CELF2: variants seen among roughly 807,000 people sequenced by gnomAD.
CELF2 encodes CUGBP Elav-like family member 2, also known as CUG triplet repeat RNA-binding protein 2.
Under a neutral mutation model 62.6 loss-of-function variants are expected in CELF2, and 8 were observed. The ratio of observed to expected loss-of-function variants is 0.13; its 90% CI spans 0.07 to 0.23. The LOEUF (loss-of-function observed/expected upper bound fraction) is 0.23. CELF2 is among the 10% of genes least tolerant of loss of function. CELF2 has a pLI of 1.00. For missense variants in CELF2, 333 were observed against 671.0 expected, an observed-to-expected ratio of 0.50 and a Z score of 5.56; for synonymous variants, 258 against 250.0, an observed-to-expected ratio of 1.03 and a Z score of -0.30.
the CELF2 span, among the ~76,000 whole-genome samples, chr10:10,527,805 C>G: frequency 2.0e-5 from 3 of 152,248 alleles, no homozygotes; most frequent in Non-Finnish European, 2.9e-5. Context: ...AGCACATACA[C>G]AGGGCCAAGC....
At chr10:10,472,750 A>T in the CELF2 span, among the ~76,000 whole-genome samples, 6 of 151,910 alleles carry the variant, frequency 3.9e-5, no homozygotes, top group African/African-American at 1.4e-4. Flanking sequence ...CATTAATGCA[A>T]TGTTTGTCTT....
In CELF2 at chr10:10,834,585, TTC is replaced by T. The variant is rs543662341; in HGVS notation, c.53+35769_53+35770del. 1.1e-4 allele frequency among the ~76,000 whole-genome samples: 16 copies of T among 152,260 alleles called. No individual in the cohort carries two copies. The East Asian group carries it at 3.1e-3, about 29-fold the overall frequency. ...GTAGTTATTGCCATTTTACAGAAGATTCCAAGATTGCAGAGGTGAATGACCAT... is the reference window on the plus strand; with the variant it reads ...GTAGTTATTGCCATTTTACAGAAGATCAAGATTGCAGAGGTGAATGACCAT... On this transcript the variant is annotated intron_variant, in intron 1 of 13. Coordinates refer to the CELF2 transcript ENST00000636488.
At position 11,329,340 on chromosome 10, in the gene CELF2, A is replaced by AT. The variant is rs959017798; in HGVS notation, c.*294dup. 5.0e-5 allele frequency: 10 copies of AT among 200,210 alleles called. No individual in the cohort carries two copies. The highest frequency in any genetic ancestry group is 1.4e-4 in the African/African-American group (6 of 42,798). The allele number at this position is 200,210 out of a possible 1,614,324, so 12.4% of individuals were successfully genotyped here. On this transcript the variant is annotated 3_prime_UTR_variant, in exon 13 of 13. Transcript: ENST00000633077. This position sits in a 1 kb window ranked among gnomAD's most constrained non-coding sequence, Gnocchi z 5.5. The stretch of plus-strand genomic sequence containing the variant: ...GAATCTCCTTTTACCTTTTTTTTTA[A>AT]TTTTTTTCATTTTTGCTTTTTTTTA...
At chr10:10,966,274 G>C (rs1314243135) in intron 2 of CELF2, among the ~76,000 whole-genome samples, 1 of 152,224 alleles carries the variant, frequency 6.6e-6, no homozygotes, top group Non-Finnish European at 1.5e-5. Context: ...TTGTTAGCTA[G>C]TGACTGGGGA....
intron 2 of CELF2, among the ~76,000 whole-genome samples, chr10:11,167,610 G>A (rs1265299120): frequency 6.6e-6 from 1 of 152,124 alleles, no homozygotes. Flanking sequence ...TTGCCCAGAT[G>A]TTCCTATGAG....
chr10:10,879,694 G>T (rs2061330689), intron 1 of CELF2, among the ~76,000 whole-genome samples: 1 of 152,172 alleles, frequency 6.6e-6, no homozygotes, highest in South Asian at 2.1e-4. Flanking sequence ...CTGTTACCTT[G>T]TATTATTGTG....
At position 11,321,089 on chromosome 10, in the gene CELF2, C is replaced by A; in HGVS notation, c.1097-100C>A. Reference sequence around the variant, plus strand: ...TGTAATTGTGTGCTAGCTGCATGTACTTGCTGTTGTACTGTGTTTAAATGA... The same window carrying A: ...TGTAATTGTGTGCTAGCTGCATGTAATTGCTGTTGTACTGTGTTTAAATGA... On this transcript the variant is annotated intron_variant, in intron 10 of 12. Coordinates refer to ENST00000633077, the MANE Select transcript of CELF2 (RefSeq NM_001326342.2). The surrounding 1 kb of genome is among the most constrained non-coding windows in gnomAD (Gnocchi z 6.2). 2.2e-6 allele frequency: 3 copies of A among 1,345,136 alleles called. No individual in the cohort carries two copies. The highest frequency in any genetic ancestry group is 1.2e-5 in the South Asian group (1 of 83,732). 83.3% of individuals were successfully genotyped at this position (1,345,136 alleles called of 1,614,324 possible).
rs1215468300 is a variant in CELF2 at position 10,958,677 on chromosome 10, T to C, written c.89+38678T>C. On this transcript the variant is annotated intron_variant, in intron 2 of 13. Coordinates refer to the CELF2 transcript ENST00000636488. Reference sequence around the variant, plus strand: ...TGGGCAACAGAACAAGACTCATCTCTAGAAAAAATTTAAAAATTAGCCAGG... The same window carrying C: ...TGGGCAACAGAACAAGACTCATCTCCAGAAAAAATTTAAAAATTAGCCAGG... 2.6e-5 allele frequency among the ~76,000 whole-genome samples: 4 copies of C among 152,002 alleles called. No individual in the cohort carries two copies. In the East Asian group the frequency reaches 7.8e-4, roughly 30 times the overall value.
chr10:10,819,775 G>A (rs2056801861), intron 1 of CELF2, among the ~76,000 whole-genome samples: 1 of 152,116 alleles, frequency 6.6e-6, no homozygotes, highest in Non-Finnish European at 1.5e-5. Flanking sequence ...GAATGTCTTA[G>A]GTTGGGTCTG....
At chr10:11,251,974 G>T (rs1439983235) in intron 4 of CELF2, among the ~76,000 whole-genome samples, 8 of 152,158 alleles carry the variant, frequency 5.3e-5, no homozygotes, top group Admixed American at 5.2e-4. Flanking sequence ...TCTTCTAGTT[G>T]GGCCAGTGCT....
At position 11,098,155 on chromosome 10, in the gene CELF2, G is replaced by A. The variant is rs141423599; in HGVS notation, c.75-67331G>A. On this transcript the variant is annotated intron_variant, in intron 1 of 12. Coordinates refer to ENST00000633077, the MANE Select transcript of CELF2 (RefSeq NM_001326342.2). This position sits in a 1 kb window ranked among gnomAD's most constrained non-coding sequence, Gnocchi z 4.0. ...GCATGTTGTGTGTGTGAAGGATGAGGTGTGTTTCGTATGCCCATATTTTGG... is the reference window on the plus strand; with the variant it reads ...GCATGTTGTGTGTGTGAAGGATGAGATGTGTTTCGTATGCCCATATTTTGG... 1 of 152,432 alleles carries A rather than the reference G, an allele frequency of 6.6e-6. No homozygotes were observed. The highest frequency in any genetic ancestry group is 6.5e-5 in the Admixed American group (1 of 15,286). The allele number at this position is 152,432 out of a possible 1,614,324, so 9.4% of individuals were successfully genotyped here.
intron 1 of CELF2, among the ~76,000 whole-genome samples, chr10:10,884,041 G>A (rs1453213764): frequency 6.6e-6 from 1 of 151,190 alleles, no homozygotes; most frequent in Admixed American, 6.6e-5. Context: ...CCTCCTCTTT[G>A]TCAGGAGCTG....
intron 2 of CELF2, among the ~76,000 whole-genome samples, chr10:11,212,341 C>A (rs541939871): frequency 6.6e-6 from 1 of 152,168 alleles, no homozygotes; most frequent in Non-Finnish European, 1.5e-5. Flanking sequence ...GTGAGGCCCC[C>A]CCGGGCCTGC....
At chr10:10,887,961 C>G (rs373672246) in intron 1 of CELF2, among the ~76,000 whole-genome samples, 1 of 152,014 alleles carries the variant, frequency 6.6e-6, no homozygotes, top group Non-Finnish European at 1.5e-5. Flanking sequence ...TTAGTAGAGA[C>G]GGGGTTTCAC....
the CELF2 span, among the ~76,000 whole-genome samples, chr10:10,476,429 A>G: frequency 3.3e-5 from 5 of 152,158 alleles, no homozygotes; most frequent in Admixed American, 1.3e-4. Flanking sequence ...TATGATGTCT[A>G]TTCACATCTG....
rs1289555123 is a variant in CELF2, at chr10:11,332,403, G to C, written c.*3350G>C. ...TGAATATACCAGGTGTCTGGAGTTA[G>C]AAGCCCATAGCCCTTTCCCAGCCTT... On this transcript the variant is annotated 3_prime_UTR_variant, in exon 13 of 13. Transcript: ENST00000633077. 1 of 152,406 alleles carries C rather than the reference G, an allele frequency of 6.6e-6. No homozygotes were observed. Among genetic ancestry groups the C allele is most frequent in the Non-Finnish European group, 1.5e-5 (1 of 68,038 alleles). 9.4% of individuals were successfully genotyped at this position (152,406 alleles called of 1,614,324 possible). A position where few individuals can be genotyped will look rare whatever the true frequency, so the allele number is the denominator to read the frequency against.
rs2093807967 is a variant in CELF2, at chr10:11,302,018, CT to C, written c.977-12120del. On this transcript the variant is annotated intron_variant, in intron 9 of 12. Transcript: ENST00000633077. This position sits in a 1 kb window ranked among gnomAD's most constrained non-coding sequence, Gnocchi z 5.0. Reference sequence around the variant, plus strand: ...TCAGCAGATGCCAGCTCAGTGCCCGCTGCACCAGTGATTCTCATAGTTTCTA... The same window carrying C: ...TCAGCAGATGCCAGCTCAGTGCCCGCGCACCAGTGATTCTCATAGTTTCTA... 6.6e-6 allele frequency among the ~76,000 whole-genome samples: 1 copy of C among 152,204 alleles called. No individual in the cohort carries two copies. Among genetic ancestry groups the C allele is most frequent in the African/African-American group, 2.4e-5 (1 of 41,460 alleles).
chr10:10,505,565 A>G, the CELF2 span, among the ~76,000 whole-genome samples: 1 of 152,094 alleles, frequency 6.6e-6, no homozygotes, highest in Non-Finnish European at 1.5e-5. Flanking sequence ...ATTACTGGTC[A>G]GTGGGGATTA....
intron 2 of CELF2, among the ~76,000 whole-genome samples, chr10:10,971,520 C>A (rs532549261): frequency 6.6e-6 from 1 of 152,310 alleles, no homozygotes; most frequent in African/African-American, 2.4e-5. Context: ...TCCTTCCTTT[C>A]AAACCCAAGT....
Sources: allele counts gnomAD v4.1 joint callset (sites outside exome capture counted in the v4.1 genomes callset), GRCh38; gene constraint gnomAD v4.1.1; non-coding constraint Gnocchi (gnomAD v3.1); transcripts MANE v1.5; gene names NCBI Gene and HGNC (gene_info 2026-07-23, HGNC 2026-07-21).